Variants in UGT2A2 observed in about 807,000 individuals in gnomAD.
UGT2A2 encodes the protein UDP-glucuronosyltransferase 2A2.
In UGT2A2, 60 loss-of-function variants were observed where a neutral mutation model predicts 50.7. That is an observed-to-expected ratio of 1.18 (90% CI 0.96 to 1.47). UGT2A2 has a LOEUF of 1.47. UGT2A2 is among the 40% of genes most tolerant of loss of function. The pLI is 0.00. For missense variants in UGT2A2, 762 were observed against 634.0 expected, an observed-to-expected ratio of 1.20 and a Z score of -2.17; for synonymous variants, 242 against 214.6, an observed-to-expected ratio of 1.13 and a Z score of -1.11.
chr4:69,623,363 A>C (rs558681000), intron 1 of UGT2A2, among the ~76,000 whole-genome samples: 12 of 151,762 alleles, frequency 7.9e-5, no homozygotes, highest in Non-Finnish European at 1.8e-4. Flanking sequence ...TTTGAATACA[A>C]GTAATTTTTG....
rs1405443033 is a variant in UGT2A2, at chr4:69,595,264, G to A, written c.1024-15C>T. The A allele has an allele frequency of 6.2e-7, 1 of 1,612,488 alleles. No individual in the cohort carries two copies. The highest frequency in any genetic ancestry group is 8.5e-7 in the Non-Finnish European group (1 of 1,179,512). ...CTCCATAAAACCTGTGGAAAATGGTGCTTTAATTTTGCAAGGAAAAACACA... is the reference window on the plus strand; with the variant it reads ...CTCCATAAAACCTGTGGAAAATGGTACTTTAATTTTGCAAGGAAAAACACA... On this transcript the variant is annotated splice_polypyrimidine_tract_variant and intron_variant, in intron 3 of 5. Transcript: ENST00000604629.
intron 1 of UGT2A2, among the ~76,000 whole-genome samples, chr4:69,611,369 A>G (rs1398404816): frequency 1.3e-5 from 2 of 151,426 alleles, no homozygotes; most frequent in Non-Finnish European, 2.9e-5. Context: ...TCATAAAAGT[A>G]CTCTAAGAAA....
At position 69,589,152 on chromosome 4, in the gene UGT2A2, A is replaced by C; in HGVS notation, c.*220T>G. 4.3e-6 allele frequency: 2 copies of C among 468,670 alleles called. No individual in the cohort carries two copies. Among genetic ancestry groups the C allele is most frequent in the African/African-American group, 3.9e-5 (2 of 50,838 alleles). 29.0% of individuals were successfully genotyped at this position (468,670 alleles called of 1,614,324 possible). A position where few individuals can be genotyped will look rare whatever the true frequency, so the allele number is the denominator to read the frequency against. ...GGAAGAGGGTATAGTCAGCAGGGAGAGACAAAGGAAAAATAGAAGACTATA... is the reference window on the plus strand; with the variant it reads ...GGAAGAGGGTATAGTCAGCAGGGAGCGACAAAGGAAAAATAGAAGACTATA... On this transcript the variant is annotated 3_prime_UTR_variant, in exon 6 of 6. Coordinates refer to ENST00000604629, the MANE Select transcript of UGT2A2 (RefSeq NM_001105677.2).
Position 69,606,106 on chromosome 4 carries a change from C to T in UGT2A2, c.743-6712G>A, listed in dbSNP as rs886101861. On this transcript the variant is annotated intron_variant, in intron 1 of 5. Transcript: ENST00000604629. ...GCATCATCCTGATATCAAAGCCTGG[C>T]AGAGACACAACAAAAAAAGAGAATT... Among the ~76,000 whole-genome samples the T allele has an allele frequency of 3.3e-5, 4 of 121,450 alleles. 2 individuals carry two copies. Among genetic ancestry groups the T allele is most frequent in the Non-Finnish European group, 7.1e-5 (4 of 56,434 alleles). 79.7% of individuals were successfully genotyped at this position (121,450 alleles called of 152,430 possible).
Position 69,589,139 on chromosome 4 carries a change from A to G in UGT2A2, c.*233T>C, listed in dbSNP as rs1718430757. On this transcript the variant is annotated 3_prime_UTR_variant, in exon 6 of 6. Coordinates refer to ENST00000604629, the MANE Select transcript of UGT2A2 (RefSeq NM_001105677.2). ...CAGAAAAGTGACAGGAAGAGGGTAT[A>G]GTCAGCAGGGAGAGACAAAGGAAAA... The G allele has an allele frequency of 5.0e-6, 2 of 397,106 alleles. No homozygotes were observed. Among genetic ancestry groups the G allele is most frequent in the Non-Finnish European group, 8.5e-6 (2 of 234,860 alleles). The allele number at this position is 397,106 out of a possible 1,614,324, so 24.6% of individuals were successfully genotyped here.
rs534225330 is a variant in UGT2A2 at position 69,604,396 on chromosome 4, G to A, written c.743-5002C>T. 1.8e-4 allele frequency among the ~76,000 whole-genome samples: 25 copies of A among 136,530 alleles called. 3 individuals are homozygous for A. The South Asian group carries it at 2.7e-3, about 15-fold the overall frequency. 89.6% of individuals were successfully genotyped at this position (136,530 alleles called of 152,430 possible). On this transcript the variant is annotated intron_variant, in intron 1 of 5. Coordinates refer to ENST00000604629, the MANE Select transcript of UGT2A2 (RefSeq NM_001105677.2). Reference sequence around the variant, plus strand: ...GAGAGATTTTGTCACCACCAGGCCCGCCCTAAAAGAGCTCCTGAAGGAAGC... The same window carrying A: ...GAGAGATTTTGTCACCACCAGGCCCACCCTAAAAGAGCTCCTGAAGGAAGC...
At chr4:69,620,385 T>C (rs185671982) in intron 1 of UGT2A2, among the ~76,000 whole-genome samples, 10 of 131,714 alleles carry the variant, frequency 7.6e-5, no homozygotes, top group Non-Finnish European at 1.5e-4. Context: ...TCACAATTGC[T>C]AAAAAAGAAT....
intron 1 of UGT2A2, among the ~76,000 whole-genome samples, chr4:69,609,050 A>T (rs1719862589): frequency 6.6e-6 from 1 of 152,124 alleles, no homozygotes; most frequent in African/African-American, 2.4e-5. Flanking sequence ...TTTAAAATCT[A>T]CGATTCATTA....
At chr4:69,622,430 TA>T (rs1470549753) in intron 1 of UGT2A2, among the ~76,000 whole-genome samples, 5 of 151,784 alleles carry the variant, frequency 3.3e-5, no homozygotes, top group African/African-American at 1.2e-4. Context: ...AATTCTTAAC[TA>T]CATAGAAAGT....
intron 1 of UGT2A2, among the ~76,000 whole-genome samples, chr4:69,633,558 A>T (rs1200176712): frequency 6.6e-6 from 1 of 152,216 alleles, no homozygotes; most frequent in African/African-American, 2.4e-5. Context: ...TTCCATCAGC[A>T]GTAGAATGGA....
At chr4:69,591,571 C>T (rs975758743) in intron 5 of UGT2A2, among the ~76,000 whole-genome samples, 1 of 152,108 alleles carries the variant, frequency 6.6e-6, no homozygotes, top group African/African-American at 2.4e-5. Context: ...TGTGTTGATG[C>T]TAATGCCAGA....
At position 69,606,023 on chromosome 4, in the gene UGT2A2, A is replaced by C. The variant is rs541503356; in HGVS notation, c.743-6629T>G. 5.3e-4 allele frequency among the ~76,000 whole-genome samples: 73 copies of C among 137,074 alleles called. 16 individuals are homozygous for C. Among genetic ancestry groups the C allele is most frequent in the Admixed American group, 1.3e-3 (18 of 13,930 alleles). The allele number at this position is 137,074 out of a possible 152,430, so 89.9% of individuals were successfully genotyped here. ...GGAGGAGCTGGTACCATTCCTTCTG[A>C]AACTATTCCAAGCAATAGAAAAAGA... On this transcript the variant is annotated intron_variant, in intron 1 of 5. Transcript: ENST00000604629.
intron 1 of UGT2A2, among the ~76,000 whole-genome samples, chr4:69,625,186 G>A (rs1299000939): frequency 6.6e-6 from 1 of 150,484 alleles, no homozygotes; most frequent in Non-Finnish European, 1.5e-5. Flanking sequence ...TTTGCTAGAT[G>A]AAGTATTTTT....
chr4:69,618,852 T>TAAGACC (rs748001917), intron 1 of UGT2A2, among the ~76,000 whole-genome samples: 61 of 151,746 alleles, frequency 4.0e-4, no homozygotes, highest in Non-Finnish European at 6.0e-4. Context: ...ACAAACAAAA[T>TAAGACC]AAGACCAGCA....
At chr4:69,612,996 T>C (rs1393921514) in intron 1 of UGT2A2, among the ~76,000 whole-genome samples, 1 of 149,348 alleles carries the variant, frequency 6.7e-6, no homozygotes, top group Non-Finnish European at 1.5e-5. Flanking sequence ...AAAGGTCTAA[T>C]ATCCAGATTA....
chr4:69,606,781 GACAA>G lies in UGT2A2; in HGVS notation c.743-7391_743-7388del, dbSNP rs1719652173. Among the ~76,000 whole-genome samples, 2 of 136,348 alleles carry G rather than the reference GACAA, an allele frequency of 1.5e-5. 1 individual carries two copies. Among genetic ancestry groups the G allele is most frequent in the Non-Finnish European group, 3.1e-5 (2 of 64,240 alleles). The allele number at this position is 136,348 out of a possible 152,430, so 89.4% of individuals were successfully genotyped here. A position where few individuals can be genotyped will look rare whatever the true frequency, so the allele number is the denominator to read the frequency against. On this transcript the variant is annotated intron_variant, in intron 1 of 5. Transcript: ENST00000604629. ...CAAGCATTCTTATACACCAATAACAGACAAACAGAGAGCCAAATCACGAGTGAGC... is the reference window on the plus strand; with the variant it reads ...CAAGCATTCTTATACACCAATAACAGACAGAGAGCCAAATCACGAGTGAGC...
intron 1 of UGT2A2, among the ~76,000 whole-genome samples, chr4:69,611,563 T>TCCAAAAACACAA (rs1560477857): frequency 2.6e-5 from 4 of 152,126 alleles, no homozygotes; most frequent in African/African-American, 9.7e-5. Context: ...TCTCCAAATC[T>TCCAAAAACACAA]GTGTGTTAGC....
In UGT2A2 at chr4:69,630,353, TAA is replaced by T. The variant is rs1721314484; in HGVS notation, c.742+8544_742+8545del. On this transcript the variant is annotated intron_variant, in intron 1 of 5. Transcript: ENST00000604629. ...TGCCATGCAGCGTCTTTACTCTTTA[TAA>T]CTCCCCATTCCCACCTCTTCCCGGT... is the stretch of plus-strand genomic sequence containing the variant. Among the ~76,000 whole-genome samples, 3 of 152,182 alleles carry T rather than the reference TAA, an allele frequency of 2.0e-5. No individual in the cohort carries two copies. The East Asian group carries it at 5.8e-4, about 29-fold the overall frequency.
At chr4:69,605,279 G>T (rs184149234) in intron 1 of UGT2A2, among the ~76,000 whole-genome samples, 1 of 136,408 alleles carries the variant, frequency 7.3e-6, no homozygotes, top group Non-Finnish European at 1.6e-5. Flanking sequence ...ACTCAAAACC[G>T]CTCAACTACA....
Sources: allele counts gnomAD v4.1 joint callset (sites outside exome capture counted in the v4.1 genomes callset), GRCh38; gene constraint gnomAD v4.1.1; transcripts MANE v1.5; gene names NCBI Gene and HGNC (gene_info 2026-07-23, HGNC 2026-07-21).